The following PAWR variants were observed in gnomAD, a reference collection of about 807,000 sequenced individuals.
The protein encoded by PAWR is PRKC apoptosis WT1 regulator protein.
A neutral mutation model predicts 32.0 loss-of-function variants in PAWR; 23 were observed. That is an observed-to-expected ratio of 0.72 (90% CI 0.52 to 1.02). The LOEUF is 1.02. Among genes scored for constraint, PAWR ranks in the 50% least tolerant of loss-of-function variants. The pLI, the probability that PAWR is intolerant of heterozygous loss-of-function variation, is 0.00. For synonymous variants in PAWR, 226 were observed against 187.1 expected (o/e 1.21, Z -1.70); for missense variants, 457 against 437.7 (o/e 1.04, Z -0.39).
rs1475552659 is a variant in PAWR at position 79,585,558 on chromosome 12, A to G, written c.*7049T>C. 1 of 154,326 alleles carries G rather than the reference A, an allele frequency of 6.5e-6. No homozygotes were observed. The highest frequency in any genetic ancestry group is 6.5e-5 in the Admixed American group (1 of 15,368). 9.6% of individuals were successfully genotyped at this position (154,326 alleles called of 1,614,324 possible). A position where few individuals can be genotyped will look rare whatever the true frequency, so the allele number is the denominator to read the frequency against. ...ACCTTACCAATCTGTACACTCCACA[A>G]GTTTTTAAAAATTAAACAATATATA... On this transcript the variant is annotated 3_prime_UTR_variant, in exon 7 of 7. Transcript: ENST00000328827.
chr12:79,681,688 A>C (rs7965382), intron 2 of PAWR, among the ~76,000 whole-genome samples: 81 of 152,294 alleles, frequency 5.3e-4, no homozygotes, highest in Non-Finnish European at 5.7e-4. Flanking sequence ...TACAGTGAAC[A>C]CACTGCCTTT....
At chr12:79,616,634 C>T (rs1424115873) in intron 3 of PAWR, among the ~76,000 whole-genome samples, 1 of 152,080 alleles carries the variant, frequency 6.6e-6, no homozygotes, top group African/African-American at 2.4e-5. Context: ...ACTTAAAAGT[C>T]AGTATCAGAC....
Position 79,594,350 on chromosome 12 carries a change from T to C in PAWR, c.915A>G (p.Glu305=). The C allele has an allele frequency of 6.6e-7, 1 of 1,521,916 alleles. No individual in the cohort carries two copies. The highest frequency in any genetic ancestry group is 9.0e-7 in the Non-Finnish European group (1 of 1,106,504). 94.3% of individuals were successfully genotyped at this position (1,521,916 alleles called of 1,614,324 possible). The part of the protein sequence containing the change: ...DKEEMIGKLK[E]EIDLLNRDLD... ...TTACTCTATTTAATAAATCAATTTC[T>C]TCTTTGAGTTTTCCAATCATTTCCT... Residue 305 remains glutamate, a synonymous_variant, in exon 6 of 7, where the codon GAA becomes GAG. Transcript: ENST00000328827.
intron 2 of PAWR, among the ~76,000 whole-genome samples, chr12:79,686,764 C>T (rs1313658184): frequency 6.6e-6 from 1 of 152,154 alleles, no homozygotes; most frequent in Admixed American, 6.5e-5. Flanking sequence ...TCCTCAATAG[C>T]TTCTCCCAGC....
intron 2 of PAWR, among the ~76,000 whole-genome samples, chr12:79,661,479 T>C (rs1485344665): frequency 1.3e-5 from 2 of 152,124 alleles, no homozygotes; most frequent in African/African-American, 2.4e-5. Context: ...ATAACAACAA[T>C]GGCTGTCTGC....
At chr12:79,637,946 T>C (rs1387874410) in intron 2 of PAWR, among the ~76,000 whole-genome samples, 2 of 152,178 alleles carry the variant, frequency 1.3e-5, no homozygotes, top group Admixed American at 1.3e-4. Context: ...ACTTACATCA[T>C]CTCTTGTAAC....
chr12:79,597,643 G>T (rs536607801), intron 4 of PAWR, among the ~76,000 whole-genome samples: 16 of 152,222 alleles, frequency 1.1e-4, no homozygotes, highest in Admixed American at 1.0e-3. Context: ...TGATAATTTT[G>T]TTATGCCATA....
intron 2 of PAWR, among the ~76,000 whole-genome samples, chr12:79,654,481 A>G (rs946241656): frequency 6.6e-6 from 1 of 152,014 alleles, no homozygotes; most frequent in Admixed American, 6.6e-5. Flanking sequence ...TCAAACAACC[A>G]AAGCTCTGGG....
Position 79,590,927 on chromosome 12 carries a change from C to T in PAWR, c.*1680G>A, listed in dbSNP as rs774363726. On this transcript the variant is annotated 3_prime_UTR_variant, in exon 7 of 7. Transcript: ENST00000328827. Reference sequence around the variant, plus strand: ...GTCATATGAAAACTGCCCTGGAGACCGGGTTAATTATTAAATAAACTAAAA... The same window carrying T: ...GTCATATGAAAACTGCCCTGGAGACTGGGTTAATTATTAAATAAACTAAAA... 7 of 152,090 alleles carry T rather than the reference C, an allele frequency of 4.6e-5. No homozygotes were observed. The highest frequency in any genetic ancestry group is 1.5e-5 in the Non-Finnish European group (1 of 68,020). The allele number at this position is 152,090 out of a possible 1,614,324, so 9.4% of individuals were successfully genotyped here.
intron 2 of PAWR, among the ~76,000 whole-genome samples, chr12:79,657,748 C>T (rs1459952371): frequency 1.1e-4 from 16 of 151,552 alleles, no homozygotes; most frequent in Non-Finnish European, 1.2e-4. Context: ...GAGCCGAGAT[C>T]GCGCCACTGC....
intron 2 of PAWR, among the ~76,000 whole-genome samples, chr12:79,657,933 G>A (rs1296598386): frequency 6.6e-6 from 1 of 152,146 alleles, no homozygotes; most frequent in Non-Finnish European, 1.5e-5. Flanking sequence ...CGTCATTGAA[G>A]CAAAGGGGGA....
chr12:79,621,045 T>G lies in PAWR; in HGVS notation c.648+31A>C, dbSNP rs376734159. On this transcript the variant is annotated intron_variant, in intron 3 of 6. Coordinates refer to ENST00000328827, the MANE Select transcript of PAWR (RefSeq NM_002583.4). The stretch of plus-strand genomic sequence containing the variant: ...ATTGAAAAATTGCCATTAAAATAGA[T>G]AGTGACTTCCTGGTATTTTTAAATA... 5.2e-6 allele frequency: 8 copies of G among 1,541,898 alleles called. No individual in the cohort carries two copies. The African/African-American group carries it at 9.8e-5, about 19-fold the overall frequency.
intron 2 of PAWR, among the ~76,000 whole-genome samples, chr12:79,656,433 C>T (rs978224373): frequency 1.3e-5 from 2 of 151,924 alleles, no homozygotes; most frequent in African/African-American, 2.4e-5. Flanking sequence ...TGAATGGATG[C>T]GTAACATGGG....
intron 2 of PAWR, among the ~76,000 whole-genome samples, chr12:79,625,341 C>A (rs905094985): frequency 2.6e-5 from 4 of 151,850 alleles, no homozygotes; most frequent in Non-Finnish European, 5.9e-5. Flanking sequence ...GGGAAAAAAG[C>A]AACTGAAGAA....
intron 2 of PAWR, among the ~76,000 whole-genome samples, chr12:79,643,021 T>C (rs2463168): frequency 0.2 from 29,950 of 152,110 alleles, 7,818 homozygotes; most frequent in African/African-American, 0.6. Context: ...TATTTTTGGT[T>C]CCTGCTATAT....
At chr12:79,595,453 G>GCAATT (rs1179997816) in intron 5 of PAWR, among the ~76,000 whole-genome samples, 10 of 152,134 alleles carry the variant, frequency 6.6e-5, no homozygotes, top group Admixed American at 3.9e-4. Flanking sequence ...CCAACTACTA[G>GCAATT]CAATTCAATC....
rs1013698299 is a variant in PAWR, at chr12:79,586,311, T to C, written c.*6296A>G. The stretch of plus-strand genomic sequence containing the variant: ...CCAATCATGATTTACGTTTTTCAAA[T>C]GTGGATTTCTTAGGCCTTTGACTGA... On this transcript the variant is annotated 3_prime_UTR_variant, in exon 7 of 7. Transcript: ENST00000328827. 6.6e-6 allele frequency: 1 copy of C among 152,660 alleles called. No individual in the cohort carries two copies. The highest frequency in any genetic ancestry group is 1.5e-5 in the Non-Finnish European group (1 of 68,044). 9.5% of individuals were successfully genotyped at this position (152,660 alleles called of 1,614,324 possible). A position where few individuals can be genotyped will look rare whatever the true frequency, so the allele number is the denominator to read the frequency against.
chr12:79,596,773 T>G, intron 4 of PAWR, 115 bp from the exon 5 acceptor site: 1 of 585,980 alleles, frequency 1.7e-6, no homozygotes, highest in South Asian at 2.7e-5. Flanking sequence ...ATGGTTATAG[T>G]AGCAACTTAT....
chr12:79,646,355 GAACTA>G (rs1435642567), intron 2 of PAWR, among the ~76,000 whole-genome samples: 2 of 152,110 alleles, frequency 1.3e-5, no homozygotes, highest in East Asian at 3.9e-4. Context: ...TGTAGATACT[GAACTA>G]AAGACATGTC....
Sources: allele counts gnomAD v4.1 joint callset (sites outside exome capture counted in the v4.1 genomes callset), GRCh38; gene constraint gnomAD v4.1.1; transcripts MANE v1.5; gene names NCBI Gene and HGNC (gene_info 2026-07-23, HGNC 2026-07-21).